SPCS1: variants seen among roughly 807,000 people sequenced by gnomAD.
SPCS1 encodes the protein signal peptidase complex subunit 1.
A neutral mutation model predicts 16.4 loss-of-function variants in SPCS1; 10 were observed. The ratio of observed to expected loss-of-function variants is 0.61; its 90% confidence interval spans 0.38 to 1.03. The LOEUF is 1.03. Among genes scored for constraint, SPCS1 ranks in the 50% least tolerant of loss-of-function variants. The pLI, the probability that SPCS1 is intolerant of heterozygous loss-of-function variation, is 0.01. For synonymous variants in SPCS1, 47 were observed against 42.5 expected, an observed-to-expected ratio of 1.10 and a Z score of -0.41; for missense variants, 118 against 123.8, an observed-to-expected ratio of 0.95 and a Z score of 0.22.
rs2097344398 is a variant in SPCS1, at chr3:52,706,120, C to T, written c.-127C>T. The T allele has an allele frequency of 3.9e-6, 6 of 1,539,768 alleles. No homozygotes were observed. Among genetic ancestry groups the T allele is most frequent in the Non-Finnish European group, 5.2e-6 (6 of 1,146,792 alleles). ...CTTCCGGGGCCGCCGCCATCGCTCT[C>T]CCGGGCTTAGAAGGCCCGGCTACTG... On this transcript the variant is annotated 5_prime_UTR_variant, in exon 1 of 4. Coordinates refer to ENST00000619898, the MANE Select transcript of SPCS1 (RefSeq NM_014041.5).
rs1184742593 is a variant in SPCS1 at position 52,706,911 on chromosome 3, G to T, written c.183+32G>T. On this transcript the variant is annotated intron_variant, in intron 3 of 3. Transcript: ENST00000619898. ...AATTTGTGGGTATTAGTGGCAGCTT[G>T]GGTTTTGTGAGTCGGGTTGGTTTGG... 4 of 1,547,722 alleles carry T rather than the reference G, an allele frequency of 2.6e-6. No individual in the cohort carries two copies. The East Asian group carries it at 6.7e-5, about 26-fold the overall frequency.
Position 52,706,169 on chromosome 3 carries a change from C to T in SPCS1, c.-78C>T, listed in dbSNP as rs750112918. ...TGACGCGCAGTGCCAGACCTTACCCCTCACGGTCCTTAAGTCTCGGTCGCC... is the reference window on the plus strand; with the variant it reads ...TGACGCGCAGTGCCAGACCTTACCCTTCACGGTCCTTAAGTCTCGGTCGCC... On this transcript the variant is annotated 5_prime_UTR_variant, in exon 1 of 4. Transcript: ENST00000619898. The T allele has an allele frequency of 7.1e-6, 11 of 1,546,902 alleles. No individual in the cohort carries two copies. Among genetic ancestry groups the T allele is most frequent in the Admixed American group, 1.9e-5 (1 of 51,644 alleles).
chr3:52,706,638 C>A lies in SPCS1; in HGVS notation c.37-6C>A. Reference sequence around the variant, plus strand: ...CCAATTCTTTTTTTCCTCTGCTTCACCCCAGGATTACAAGGGCCAGAAGCT... The same window carrying A: ...CCAATTCTTTTTTTCCTCTGCTTCAACCCAGGATTACAAGGGCCAGAAGCT... On this transcript the variant is annotated splice_polypyrimidine_tract_variant and splice_region_variant and intron_variant, in intron 1 of 3. Coordinates refer to ENST00000619898, the MANE Select transcript of SPCS1 (RefSeq NM_014041.5). 2 of 1,613,574 alleles carry A rather than the reference C, an allele frequency of 1.2e-6. No homozygotes were observed. The highest frequency in any genetic ancestry group is 1.7e-6 in the Non-Finnish European group (2 of 1,179,552).
rs2097346286 is a variant in SPCS1 at position 52,707,942 on chromosome 3, C to T, written c.*130C>T. 8.6e-7 allele frequency: 1 copy of T among 1,168,868 alleles called. No individual in the cohort carries two copies. Among genetic ancestry groups the T allele is most frequent in the Non-Finnish European group, 1.2e-6 (1 of 821,134 alleles). 72.4% of individuals were successfully genotyped at this position (1,168,868 alleles called of 1,614,324 possible). A position where few individuals can be genotyped will look rare whatever the true frequency, so the allele number is the denominator to read the frequency against. On this transcript the variant is annotated 3_prime_UTR_variant, in exon 4 of 4. Transcript: ENST00000619898. ...GTGTATAGATTTAGTTCTCTTTATA[C>T]TTCATTTCTAGCCCAGTTGGGTTTT...
rs369807899 is a variant in SPCS1, at chr3:52,706,628, C to T, written c.37-16C>T. 3 of 1,611,724 alleles carry T rather than the reference C, an allele frequency of 1.9e-6. No homozygotes were observed. The highest frequency in any genetic ancestry group is 2.7e-5 in the African/African-American group (2 of 74,708). ...GGCGGTGGAACCAATTCTTTTTTTC[C>T]TCTGCTTCACCCCAGGATTACAAGG... On this transcript the variant is annotated splice_polypyrimidine_tract_variant and intron_variant, in intron 1 of 3. Transcript: ENST00000619898.
chr3:52,706,213 A>G lies in SPCS1; in HGVS notation c.-34A>G. 1 of 1,574,208 alleles carries G rather than the reference A, an allele frequency of 6.4e-7. No individual in the cohort carries two copies. Among genetic ancestry groups the G allele is most frequent in the South Asian group, 1.1e-5 (1 of 87,758 alleles). ...GGTCGCCCTCGCCTCGCAGCCTGCC[A>G]CCCGCGCTCAGCTGCCCGCCTCCTC... On this transcript the variant is annotated 5_prime_UTR_variant, in exon 1 of 4. Transcript: ENST00000619898.
In SPCS1 at chr3:52,708,697, T is replaced by C. The variant is rs776838387; in HGVS notation, c.*885T>C. ...TTTTGTATTTAACATTTCACCTTTATTGAATGCCTATAAGGCCATTTGAAT... is the reference window on the plus strand; with the variant it reads ...TTTTGTATTTAACATTTCACCTTTACTGAATGCCTATAAGGCCATTTGAAT... On this transcript the variant is annotated 3_prime_UTR_variant, in exon 4 of 4. Coordinates refer to ENST00000619898, the MANE Select transcript of SPCS1 (RefSeq NM_014041.5). The C allele has an allele frequency of 1.2e-4, 18 of 152,150 alleles. No homozygotes were observed. Among genetic ancestry groups the C allele is most frequent in the Non-Finnish European group, 2.2e-4 (15 of 68,028 alleles). 9.4% of individuals were successfully genotyped at this position (152,150 alleles called of 1,614,324 possible).
intron 3 of SPCS1, chr3:52,707,330 C>G (rs2097345648): frequency 4.9e-6 from 1 of 206,038 alleles, no homozygotes; most frequent in Non-Finnish European, 9.9e-6. Context: ...CCACCACACC[C>G]AGCTAATTTT....
Position 52,707,907 on chromosome 3 carries a change from T to C in SPCS1, c.*95T>C, listed in dbSNP as rs2097346268. On this transcript the variant is annotated 3_prime_UTR_variant, in exon 4 of 4. Transcript: ENST00000619898. The stretch of plus-strand genomic sequence containing the variant: ...GAGCTAAAACCACCTAATGCTCTTA[T>C]GGCACAGCTGTGTATAGATTTAGTT... 4 of 1,457,630 alleles carry C rather than the reference T, an allele frequency of 2.7e-6. No individual in the cohort carries two copies. Among genetic ancestry groups the C allele is most frequent in the African/African-American group, 1.4e-5 (1 of 71,224 alleles). The allele number at this position is 1,457,630 out of a possible 1,614,324, so 90.3% of individuals were successfully genotyped here. A position where few individuals can be genotyped will look rare whatever the true frequency, so the allele number is the denominator to read the frequency against.
chr3:52,707,633 A>C (rs1014521498), intron 3 of SPCS1, 54 bp from the exon 4 acceptor site: 2 of 1,578,166 alleles, frequency 1.3e-6, no homozygotes, highest in Non-Finnish European at 1.7e-6. Context: ...ATACGTAATG[A>C]TTTTTTAAAC....
intron 3 of SPCS1, 92 bp downstream of exon 3, chr3:52,706,971 G>T: frequency 2.3e-6 from 2 of 876,808 alleles, no homozygotes; most frequent in South Asian, 2.7e-5. Flanking sequence ...CAAAGCCAAC[G>T]TTTCCCTCAT....
chr3:52,708,038 T>G lies in SPCS1; in HGVS notation c.*226T>G. Reference sequence around the variant, plus strand: ...AGATGGGGAACAGAACACACAAGTATGAAGTTTCTTTCAGGTGTAAATAAT... The same window carrying G: ...AGATGGGGAACAGAACACACAAGTAGGAAGTTTCTTTCAGGTGTAAATAAT... On this transcript the variant is annotated 3_prime_UTR_variant, in exon 4 of 4. Coordinates refer to ENST00000619898, the MANE Select transcript of SPCS1 (RefSeq NM_014041.5). The G allele has an allele frequency of 2.6e-6, 1 of 389,522 alleles. No homozygotes were observed. Among genetic ancestry groups the G allele is most frequent in the South Asian group, 4.9e-5 (1 of 20,484 alleles). The allele number at this position is 389,522 out of a possible 1,614,324, so 24.1% of individuals were successfully genotyped here. A position where few individuals can be genotyped will look rare whatever the true frequency, so the allele number is the denominator to read the frequency against.
chr3:52,706,275 C>T lies in SPCS1; in HGVS notation c.29C>T (p.Thr10Met), dbSNP rs745480455. 1.9e-6 allele frequency: 3 copies of T among 1,595,542 alleles called. No homozygotes were observed. Among genetic ancestry groups the T allele is most frequent in the East Asian group, 2.2e-5 (1 of 44,778 alleles). Reference sequence around the variant, plus strand: ...CTGGAGCATCTGAGCTCGCTGCCCACGCAGATGGTGAGGGCGCAACCCGGG... The same window carrying T: ...CTGGAGCATCTGAGCTCGCTGCCCATGCAGATGGTGAGGGCGCAACCCGGG... Reference protein sequence around the residue: MLEHLSSLPTQMDYKGQKLA... With the variant: MLEHLSSLPMQMDYKGQKLA... The change falls in exon 1 of 4, where the codon ACG (threonine) becomes ATG (methionine). Residue 10 changes from threonine (T) to methionine (M), a missense_variant. Thr to Met is a moderately conservative substitution (Grantham distance 81). Transcript: ENST00000619898.
rs2097346831 is a variant in SPCS1, at chr3:52,708,533, TA to T, written c.*725del. On this transcript the variant is annotated 3_prime_UTR_variant, in exon 4 of 4. Coordinates refer to ENST00000619898, the MANE Select transcript of SPCS1 (RefSeq NM_014041.5). Reference sequence around the variant, plus strand: ...CGTCTATTTAATTAAAATTAAAATATAAAACTCTAAAACTAGCCATGATTCA... The same window carrying T: ...CGTCTATTTAATTAAAATTAAAATATAAACTCTAAAACTAGCCATGATTCA... 1 of 152,200 alleles carries T rather than the reference TA, an allele frequency of 6.6e-6. No homozygotes were observed. The highest frequency in any genetic ancestry group is 2.1e-4 in the South Asian group (1 of 4,824). The allele number at this position is 152,200 out of a possible 1,614,324, so 9.4% of individuals were successfully genotyped here.
At chr3:52,707,643 C>T (rs1443208186) in intron 3 of SPCS1, 44 bp from the exon 4 acceptor site, 7 of 1,589,398 alleles carry the variant, frequency 4.4e-6, no homozygotes, top group Non-Finnish European at 5.1e-6. Flanking sequence ...ATTTTTTAAA[C>T]TTTTAATAGC....
chr3:52,706,169 C>A lies in SPCS1; in HGVS notation c.-78C>A, dbSNP rs750112918. ...TGACGCGCAGTGCCAGACCTTACCCCTCACGGTCCTTAAGTCTCGGTCGCC... is the reference window on the plus strand; with the variant it reads ...TGACGCGCAGTGCCAGACCTTACCCATCACGGTCCTTAAGTCTCGGTCGCC... On this transcript the variant is annotated 5_prime_UTR_variant, in exon 1 of 4. Transcript: ENST00000619898. 4 of 1,546,902 alleles carry A rather than the reference C, an allele frequency of 2.6e-6. No individual in the cohort carries two copies. The highest frequency in any genetic ancestry group is 3.5e-6 in the Non-Finnish European group (4 of 1,150,688).
intron 1 of SPCS1, 93 bp from the exon 2 acceptor site, chr3:52,706,551 G>C: frequency 3.3e-6 from 4 of 1,209,220 alleles, no homozygotes; most frequent in Non-Finnish European, 4.8e-6. Flanking sequence ...CCCTGATGTT[G>C]GGGTTACCCT....
rs1425417088 is a variant in SPCS1, at chr3:52,706,233, C to T, written c.-14C>T. 2 of 1,588,314 alleles carry T rather than the reference C, an allele frequency of 1.3e-6. No homozygotes were observed. The highest frequency in any genetic ancestry group is 1.7e-6 in the Non-Finnish European group (2 of 1,175,062). On this transcript the variant is annotated 5_prime_UTR_variant, in exon 1 of 4. Coordinates refer to ENST00000619898, the MANE Select transcript of SPCS1 (RefSeq NM_014041.5). ...CTGCCACCCGCGCTCAGCTGCCCGCCTCCTCAGCCAGCCATGCTGGAGCAT... is the reference window on the plus strand; with the variant it reads ...CTGCCACCCGCGCTCAGCTGCCCGCTTCCTCAGCCAGCCATGCTGGAGCAT...
chr3:52,707,467 T>G, intron 3 of SPCS1: 1 of 435,372 alleles, frequency 2.3e-6, no homozygotes, highest in East Asian at 4.0e-5. Flanking sequence ...CCACCTTTCT[T>G]TTAGGTCTTA....
Sources: gnomAD v4.1 joint callset for allele counts on GRCh38, gnomAD v4.1.1 for gene constraint, MANE v1.5 for transcripts, NCBI Gene and HGNC (gene_info 2026-07-23, HGNC 2026-07-21) for gene names.